The following METAP1 variants were observed in gnomAD, a reference collection of about 807,000 sequenced individuals.
METAP1 encodes methionine aminopeptidase 1.
A neutral mutation model predicts 53.8 loss-of-function variants in METAP1; 28 were observed. That is an observed-to-expected ratio of 0.52 (90% CI 0.39 to 0.71). The LOEUF (loss-of-function observed/expected upper bound fraction) is 0.71, where lower values mean the gene tolerates loss of function less well. Among genes scored for constraint, METAP1 ranks in the 30% least tolerant of loss-of-function variants. METAP1 has a pLI of 0.00. For missense variants in METAP1, 389 were observed against 479.8 expected (o/e 0.81, Z 1.77); for synonymous variants, 181 against 165.7 (o/e 1.09, Z -0.71).
At chr4:99,030,647 G>A (rs1295265812) in intron 2 of METAP1, among the ~76,000 whole-genome samples, 1 of 152,124 alleles carries the variant, frequency 6.6e-6, no homozygotes, top group Non-Finnish European at 1.5e-5. Context: ...AGAGTATTAG[G>A]AAAAGCATTG....
chr4:99,001,262 C>T (rs1465198598), intron 1 of METAP1, among the ~76,000 whole-genome samples: 2 of 152,086 alleles, frequency 1.3e-5, no homozygotes, highest in African/African-American at 4.8e-5. Flanking sequence ...TGTAAGTTAG[C>T]TGAGTTTAGG....
At chr4:99,000,265 A>T (rs1367904363) in intron 1 of METAP1, among the ~76,000 whole-genome samples, 1 of 152,180 alleles carries the variant, frequency 6.6e-6, no homozygotes, top group Non-Finnish European at 1.5e-5. Flanking sequence ...TGGTTAGAGG[A>T]TCAGCTGGGA....
intron 1 of METAP1, chr4:99,023,720 G>T (rs1271060610): frequency 1.0e-6 from 1 of 985,316 alleles, no homozygotes; most frequent in Non-Finnish European, 1.2e-6. Flanking sequence ...AGCCGTTGTA[G>T]TTTGGCAAGT....
In METAP1 at chr4:98,995,824, C is replaced by G. The variant is rs1425222664; in HGVS notation, c.71C>G (p.Thr24Ser). 1.9e-6 allele frequency: 3 copies of G among 1,544,326 alleles called. No homozygotes were observed. The highest frequency in any genetic ancestry group is 2.6e-6 in the Non-Finnish European group (3 of 1,143,574). Residue 24 changes from threonine to serine, a missense_variant, in exon 1 of 11, where the codon ACT becomes AGT. Thr to Ser is a moderately conservative substitution (Grantham distance 58). Transcript: ENST00000296411. ...AGTGAGGCCAAGCTCCAGTGTCCCA[C>G]TTGCATCAAGCTGGGCATCCAGGGC... ...CSSEAKLQCPTCIKLGIQGSY... is the reference protein window; with the variant it reads ...CSSEAKLQCPSCIKLGIQGSY...
intron 7 of METAP1, 67 bp downstream of exon 7, chr4:99,043,454 T>C: frequency 6.7e-7 from 1 of 1,485,882 alleles, no homozygotes; most frequent in Non-Finnish European, 9.0e-7. Context: ...AATCTGACAG[T>C]GACTTGTGTT....
At chr4:99,020,397 G>A (rs1329845262) in intron 1 of METAP1, among the ~76,000 whole-genome samples, 1 of 152,066 alleles carries the variant, frequency 6.6e-6, no homozygotes, top group Admixed American at 6.6e-5. Flanking sequence ...GCAGGGAAAG[G>A]GAAAATTTTG....
intron 1 of METAP1, among the ~76,000 whole-genome samples, chr4:99,004,484 T>C (rs62323243): frequency 0.01 from 760 of 75,224 alleles, 7 homozygotes; most frequent in African/African-American, 0.017. Context: ...CACACACACA[T>C]ACACACACAC....
chr4:99,043,498 C>T, intron 7 of METAP1, 111 bp downstream of exon 7: 1 of 1,180,158 alleles, frequency 8.5e-7, no homozygotes, highest in Non-Finnish European at 1.2e-6. Flanking sequence ...AAACTTTTTC[C>T]TTTTTAAAAT....
At chr4:98,999,351 G>A (rs1327660346) in intron 1 of METAP1, among the ~76,000 whole-genome samples, 3 of 151,674 alleles carry the variant, frequency 2.0e-5, no homozygotes, top group African/African-American at 7.3e-5. Context: ...TTTTAAAATG[G>A]GGCTATTAAT....
In METAP1 at chr4:98,996,096, C is replaced by T. The variant is rs377483965; in HGVS notation, c.114+229C>T. 4.0e-4 allele frequency among the ~76,000 whole-genome samples: 61 copies of T among 152,254 alleles called. 1 individual carries two copies. Among genetic ancestry groups the T allele is most frequent in the African/African-American group, 1.5e-3 (61 of 41,562 alleles). ...CACGCGGGGGCGGGGGCGCCACCCG[C>T]CGCGGCCATGTGGGCTGGGGCGGAA... is the stretch of plus-strand genomic sequence containing the variant. On this transcript the variant is annotated intron_variant, in intron 1 of 10. Transcript: ENST00000296411.
chr4:99,019,485 A>C (rs1025256523), intron 1 of METAP1, among the ~76,000 whole-genome samples: 1 of 151,896 alleles, frequency 6.6e-6, no homozygotes, highest in Non-Finnish European at 1.5e-5. Context: ...TCTATTCTGG[A>C]GATCCTTTGT....
chr4:98,998,129 G>A (rs72908961), intron 1 of METAP1, among the ~76,000 whole-genome samples: 9,495 of 152,240 alleles, frequency 0.062, 1,022 homozygotes, highest in African/African-American at 0.22. Context: ...TTTCCGAAGT[G>A]TCACCTGTCT....
chr4:99,028,425 CAG>C (rs1724739809), intron 1 of METAP1, among the ~76,000 whole-genome samples: 1 of 152,090 alleles, frequency 6.6e-6, no homozygotes, highest in South Asian at 2.1e-4. Context: ...CTTATGGCCT[CAG>C]GGCTGTGTCA....
At chr4:99,029,680 A>G (rs1724852475) in intron 2 of METAP1, among the ~76,000 whole-genome samples, 1 of 152,188 alleles carries the variant, frequency 6.6e-6, no homozygotes, top group African/African-American at 2.4e-5. Flanking sequence ...TTCTTGGTAT[A>G]AGGTTTCTGT....
At chr4:99,026,623 A>G (rs1724586374) in intron 1 of METAP1, 1 of 985,304 alleles carries the variant, frequency 1.0e-6, no homozygotes, top group Non-Finnish European at 1.2e-6. Flanking sequence ...TTGCCCTGTT[A>G]AGGAGTCAGA....
intron 1 of METAP1, among the ~76,000 whole-genome samples, chr4:99,005,215 A>G (rs1253914420): frequency 6.6e-6 from 1 of 152,206 alleles, no homozygotes; most frequent in African/African-American, 2.4e-5. Flanking sequence ...GTAGGGAGAA[A>G]ATATTTGCAA....
intron 1 of METAP1, chr4:99,026,342 T>C: frequency 1.0e-6 from 1 of 985,456 alleles, no homozygotes; most frequent in Non-Finnish European, 1.2e-6. Flanking sequence ...TAAAACAAAG[T>C]GCTGTTCAGC....
At chr4:99,057,955 G>A (rs893873744) in intron 10 of METAP1, 137 bp downstream of exon 10, 1 of 705,354 alleles carries the variant, frequency 1.4e-6, no homozygotes, top group East Asian at 2.7e-5. Context: ...ACTTGATTCA[G>A]TATCGTGAAG....
Position 99,061,276 on chromosome 4 carries a change from C to T in METAP1, c.1120C>T (p.Arg374Ter), listed in dbSNP as rs202113897. 296 of 1,613,716 alleles carry T rather than the reference C, an allele frequency of 1.8e-4. No individual in the cohort carries two copies. Among genetic ancestry groups the T allele is most frequent in the Non-Finnish European group, 2.3e-4 (268 of 1,179,838 alleles). ...TDTGCEILTR[R>*]LDSARPHFMS... is the part of the protein sequence containing the mutation. ...CACTGGCTGTGAAATCCTAACCCGG[C>T]GACTTGACAGTGCACGGCCTCACTT... The change falls in exon 11 of 11, where the codon CGA becomes TGA. Residue 374 changes from arginine (R) to a stop codon, truncating the protein, a stop_gained. Transcript: ENST00000296411. LOFTEE classifies it high-confidence loss of function.
Sources: gnomAD v4.1 joint callset for allele counts (sites outside exome capture counted in the v4.1 genomes callset) on GRCh38, gnomAD v4.1.1 for gene constraint, MANE v1.5 for transcripts, NCBI Gene and HGNC (gene_info 2026-07-23, HGNC 2026-07-21) for gene names.